The following IPO7 variants were observed in gnomAD, a reference collection of about 807,000 sequenced individuals.
IPO7 encodes the protein importin 7.
A neutral mutation model predicts 136.4 loss-of-function variants in IPO7; 13 were observed. The ratio of observed to expected loss-of-function variants is 0.10; its 90% CI spans 0.06 to 0.15. The LOEUF (loss-of-function observed/expected upper bound fraction) is 0.15. IPO7 is among the 10% of genes least tolerant of loss of function. The pLI, the probability that IPO7 is intolerant of heterozygous loss-of-function variation, is 1.00. For missense variants in IPO7, 857 were observed against 1,240.6 expected (o/e 0.69, Z 4.65); for synonymous variants, 403 against 404.4 (o/e 1.00, Z 0.04).
chr11:9,433,229 A>T, intron 16 of IPO7: 1 of 220,964 alleles, frequency 4.5e-6, no homozygotes. Flanking sequence ...CAGGTGATCC[A>T]CCCACCTTGG....
chr11:9,420,553 G>T, intron 7 of IPO7, 48 bp downstream of exon 7: 1 of 1,558,048 alleles, frequency 6.4e-7, no homozygotes, highest in Non-Finnish European at 8.9e-7. Context: ...TTAAGGTTTT[G>T]CTTTAAAGTG....
In IPO7 at chr11:9,426,832, G is replaced by A. The variant is rs181654430; in HGVS notation, c.1335+1570G>A. On this transcript the variant is annotated intron_variant, in intron 12 of 24. Transcript: ENST00000379719. ...GAGTGCAGTGGTGAGATCTTGGCTC[G>A]CTGCAGCCACCAGTCTCCCACATTA... Among the ~76,000 whole-genome samples the A allele has an allele frequency of 8.3e-4, 126 of 151,866 alleles. No individual in the cohort carries two copies. In the Middle Eastern group the frequency reaches 0.01, roughly 12 times the overall value.
intron 4 of IPO7, among the ~76,000 whole-genome samples, chr11:9,413,817 T>C (rs951716735): frequency 6.6e-6 from 1 of 152,078 alleles, no homozygotes; most frequent in Non-Finnish European, 1.5e-5. Flanking sequence ...TTTGTGTGAA[T>C]AGTAGCAGCT....
chr11:9,428,401 G>A (rs1194708657), intron 12 of IPO7, 139 bp from the exon 13 acceptor site: 2 of 457,856 alleles, frequency 4.4e-6, no homozygotes, highest in African/African-American at 3.9e-5. Flanking sequence ...ACGAAAATTG[G>A]TTGTGGATTC....
rs759985584 is a variant in IPO7, at chr11:9,438,062, T to TG, written c.2490-18_2490-17insG. 10 of 1,217,494 alleles carry TG rather than the reference T, an allele frequency of 8.2e-6. No individual in the cohort carries two copies. Among genetic ancestry groups the TG allele is most frequent in the African/African-American group, 4.6e-5 (3 of 65,856 alleles). The allele number at this position is 1,217,494 out of a possible 1,614,324, so 75.4% of individuals were successfully genotyped here. On this transcript the variant is annotated splice_polypyrimidine_tract_variant and intron_variant, in intron 21 of 24. Transcript: ENST00000379719. Reference sequence around the variant, plus strand: ...AGAAAACAGTTTTTTTTTTTTTTTTTTTTTTTTTTTTTTTTAGGCTTCATG... The same window carrying TG: ...AGAAAACAGTTTTTTTTTTTTTTTTTGTTTTTTTTTTTTTTTAGGCTTCATG...
intron 5 of IPO7, among the ~76,000 whole-genome samples, chr11:9,414,963 A>G (rs1244126572): frequency 6.6e-6 from 1 of 152,050 alleles, no homozygotes; most frequent in Non-Finnish European, 1.5e-5. Context: ...ATGTCAAATT[A>G]TCTTAAACCA....
intron 22 of IPO7, 90 bp downstream of exon 22, chr11:9,438,375 C>T (rs1345285090): frequency 3.7e-6 from 3 of 805,350 alleles, no homozygotes; most frequent in Non-Finnish European, 2.0e-6. Flanking sequence ...GCCTGTAATC[C>T]CAGCACTTTG....
intron 1 of IPO7, among the ~76,000 whole-genome samples, chr11:9,401,209 A>C (rs115262520): frequency 0.015 from 2,208 of 152,212 alleles, 51 homozygotes; most frequent in African/African-American, 0.05. Context: ...ATACTAAAAT[A>C]AAAATCAAAA....
Position 9,420,616 on chromosome 11 carries a change from A to T in IPO7, c.824A>T (p.Tyr275Phe), listed in dbSNP as rs747548116. The part of the protein sequence containing the change: ...LHILARLFER[Y>F]GSPGNVSKEY... The stretch of plus-strand genomic sequence containing the variant: ...TGGGCATTTTGATGTTCTTTTAGAT[A>T]TGGAAGCCCTGGCAATGTTTCCAAG... The change falls in exon 8 of 25, where the codon TAT becomes TTT. Residue 275 changes from tyrosine (Y) to phenylalanine (F), a missense_variant and splice_region_variant. Around this residue, in one of 11 missense-constraint regions of IPO7, gnomAD observed 287 missense variants for 307.5 expected, o/e 0.93. Coordinates refer to ENST00000379719, the MANE Select transcript of IPO7 (RefSeq NM_006391.3). 6.2e-7 allele frequency: 1 copy of T among 1,610,942 alleles called. No individual in the cohort carries two copies. Among genetic ancestry groups the T allele is most frequent in the Non-Finnish European group, 8.5e-7 (1 of 1,177,288 alleles).
chr11:9,386,854 A>G (rs946884335), intron 1 of IPO7, among the ~76,000 whole-genome samples: 68 of 152,196 alleles, frequency 4.5e-4, no homozygotes, highest in African/African-American at 1.6e-3. Context: ...AATTTGTTAC[A>G]TGGCCTTTAT....
chr11:9,436,901 T>G (rs1230092632), intron 20 of IPO7, among the ~76,000 whole-genome samples: 1 of 106,866 alleles, frequency 9.4e-6, no homozygotes, highest in Non-Finnish European at 1.9e-5. Flanking sequence ...TTTTTTTTTT[T>G]TTGAGACGCT....
intron 22 of IPO7, 78 bp from the exon 23 acceptor site, chr11:9,440,377 G>T: frequency 8.8e-7 from 1 of 1,135,994 alleles, no homozygotes; most frequent in Non-Finnish European, 1.3e-6. Context: ...TTTACTGACA[G>T]TGATTGAGAT....
At chr11:9,432,874 G>A (rs1216627727) in intron 16 of IPO7, among the ~76,000 whole-genome samples, 1 of 152,000 alleles carries the variant, frequency 6.6e-6, no homozygotes, top group African/African-American at 2.4e-5. Context: ...GAGATTCGTA[G>A]CAATAATGCC....
rs774375923 is a variant in IPO7, at chr11:9,384,749, C to T, written c.-15C>T. 12 of 1,586,252 alleles carry T rather than the reference C, an allele frequency of 7.6e-6. No homozygotes were observed. The Admixed American group carries it at 1.2e-4, about 16-fold the overall frequency. On this transcript the variant is annotated 5_prime_UTR_variant, in exon 1 of 25. Transcript: ENST00000379719. The stretch of plus-strand genomic sequence containing the variant: ...GTAGCACCCGAGCCCCGGGTTTGAC[C>T]GAGTCCGCGCTGCGATGGACCCCAA...
At chr11:9,389,322 T>G (rs548384730) in intron 1 of IPO7, among the ~76,000 whole-genome samples, 2 of 152,326 alleles carry the variant, frequency 1.3e-5, no homozygotes, top group African/African-American at 4.8e-5. Flanking sequence ...GTGCTGAGAT[T>G]ACAGGCATGA....
intron 4 of IPO7, 91 bp downstream of exon 4, chr11:9,410,177 G>T: frequency 2.4e-6 from 2 of 824,872 alleles, no homozygotes; most frequent in Non-Finnish European, 3.5e-6. Flanking sequence ...ATTATATTTA[G>T]CATAGATAAT....
chr11:9,441,533 C>T (rs554416507), intron 23 of IPO7, among the ~76,000 whole-genome samples: 10 of 152,246 alleles, frequency 6.6e-5, no homozygotes, highest in Admixed American at 1.3e-4. Context: ...CTTCTAAGCC[C>T]ATGACAAGGC....
At chr11:9,393,070 CAG>C (rs1275671739) in intron 1 of IPO7, among the ~76,000 whole-genome samples, 1 of 151,626 alleles carries the variant, frequency 6.6e-6, no homozygotes, top group East Asian at 1.9e-4. Context: ...GAGTTACATA[CAG>C]AGTGTCTAGT....
At chr11:9,421,286 C>T (rs1304751080) in intron 8 of IPO7, among the ~76,000 whole-genome samples, 2 of 149,482 alleles carry the variant, frequency 1.3e-5, no homozygotes, top group African/African-American at 4.9e-5. Context: ...TGCTTGAAAC[C>T]TCAAGTTTTA....
Sources: allele counts gnomAD v4.1 joint callset (sites outside exome capture counted in the v4.1 genomes callset), GRCh38; gene constraint gnomAD v4.1.1; regional missense constraint gnomAD v4.1.1; transcripts MANE v1.5; gene names NCBI Gene and HGNC (gene_info 2026-07-23, HGNC 2026-07-21).